AKR1B15: variants seen among roughly 807,000 people sequenced by gnomAD.
AKR1B15 encodes estradiol 17-beta-dehydrogenase AKR1B15.
AKR1B15 carries 49 observed loss-of-function variants against 38.5 expected under a neutral mutation model. The observed-to-expected ratio is 1.27, with a 90% CI of 1.01 to 1.62. The LOEUF is 1.62. Among genes scored for constraint, AKR1B15 ranks in the 40% most tolerant of loss-of-function variants. The pLI is 0.00. For synonymous variants in AKR1B15, 137 were observed against 135.5 expected, an observed-to-expected ratio of 1.01 and a Z score of -0.08; for missense variants, 411 against 381.6, an observed-to-expected ratio of 1.08 and a Z score of -0.64.
intron 1 of AKR1B15, among the ~76,000 whole-genome samples, chr7:134,553,053 C>T (rs886118570): frequency 2.7e-5 from 4 of 150,816 alleles, no homozygotes; most frequent in African/African-American, 9.8e-5. Context: ...CAAGAAGGCC[C>T]AGCTTTTTCT....
At chr7:134,551,943 C>A (rs1298099327) in intron 1 of AKR1B15, among the ~76,000 whole-genome samples, 2 of 152,274 alleles carry the variant, frequency 1.3e-5, no homozygotes, top group Middle Eastern at 3.4e-3. Flanking sequence ...GCCCCGGGAA[C>A]CCATGGTGAC....
rs115817361 is a variant in AKR1B15, at chr7:134,555,825, C to G, written c.-146-911C>G. ...CAGAAAAAAGGCTCCAGAGCGTTGACTTTTACCTTTGTCCTGGAAATCGCC... is the reference window on the plus strand; with the variant it reads ...CAGAAAAAAGGCTCCAGAGCGTTGAGTTTTACCTTTGTCCTGGAAATCGCC... On this transcript the variant is annotated intron_variant, in intron 1 of 11. Coordinates refer to ENST00000457545, the MANE Select transcript of AKR1B15 (RefSeq NM_001080538.3). Among the ~76,000 whole-genome samples the G allele has an allele frequency of 5.9e-3, 894 of 152,244 alleles. 8 individuals are homozygous for G. The highest frequency in any genetic ancestry group is 0.021 in the African/African-American group (855 of 41,548).
rs758195535 is a variant in AKR1B15 at position 134,568,227 on chromosome 7, G to A, written c.220G>A (p.Ala74Thr). 1.2e-5 allele frequency: 20 copies of A among 1,614,026 alleles called. No homozygotes were observed. The highest frequency in any genetic ancestry group is 8.8e-5 in the South Asian group (8 of 91,086). Residue 74 changes from alanine (A) to threonine (T), a missense_variant, in exon 4 of 12, where the codon GCC (alanine) becomes ACC (threonine). Coordinates refer to ENST00000457545, the MANE Select transcript of AKR1B15 (RefSeq NM_001080538.3). ...TGCAGAATATCGCCACATTGACTGTGCCTATTTCTATGAGAATCAACATGA... is the reference window on the plus strand; with the variant it reads ...TGCAGAATATCGCCACATTGACTGTACCTATTTCTATGAGAATCAACATGA... ...IDAEYRHIDC[A>T]YFYENQHEVG...
intron 9 of AKR1B15, 59 bp from the exon 10 acceptor site, chr7:134,576,904 T>G: frequency 6.8e-7 from 1 of 1,475,700 alleles, no homozygotes; most frequent in Non-Finnish European, 9.5e-7. Context: ...ATTCTTCCTT[T>G]CCATAAAAGG....
At chr7:134,560,198 C>T (rs1034632983) in intron 2 of AKR1B15, among the ~76,000 whole-genome samples, 1 of 152,174 alleles carries the variant, frequency 6.6e-6, no homozygotes, top group South Asian at 2.1e-4. Flanking sequence ...CCCGTCCTGG[C>T]CTTGAGACTT....
intron 3 of AKR1B15, chr7:134,565,223 A>G (rs1585801866): frequency 8.1e-6 from 4 of 493,970 alleles, no homozygotes; most frequent in East Asian, 7.4e-5. Context: ...AAGAGCTACA[A>G]CGATCACCAC....
intron 7 of AKR1B15, 133 bp from the exon 8 acceptor site, chr7:134,575,688 G>A (rs1794753750): frequency 8.2e-6 from 13 of 1,578,978 alleles, no homozygotes; most frequent in Admixed American, 1.7e-5. Flanking sequence ...GATCTCATGG[G>A]TGATTTAGCA....
intron 1 of AKR1B15, among the ~76,000 whole-genome samples, chr7:134,553,298 A>C (rs1027257432): frequency 1.3e-5 from 2 of 152,234 alleles, no homozygotes; most frequent in Non-Finnish European, 2.9e-5. Context: ...ACAAAGAAGA[A>C]CAGGCTTTTC....
chr7:134,569,951 A>C (rs1376896692), intron 5 of AKR1B15: 1 of 165,324 alleles, frequency 6.0e-6, no homozygotes, highest in Non-Finnish European at 1.3e-5. Context: ...AGCGATGTTC[A>C]GGGAACAAGG....
At chr7:134,568,572 C>G (rs1397255390) in intron 4 of AKR1B15, among the ~76,000 whole-genome samples, 2 of 152,320 alleles carry the variant, frequency 1.3e-5, no homozygotes, top group East Asian at 1.9e-4. Flanking sequence ...CTGGGCCTCC[C>G]TGTTCCCCAT....
At chr7:134,564,556 GC>G in intron 2 of AKR1B15, 41 bp from the exon 3 acceptor site, 2 of 660,434 alleles carry the variant, frequency 3.0e-6, no homozygotes, top group Non-Finnish European at 5.5e-6. Flanking sequence ...TCACCTTTGG[GC>G]CCTGTATTTT....
chr7:134,552,695 A>G lies in AKR1B15; in HGVS notation c.-147+3446A>G, dbSNP rs1045950420. Among the ~76,000 whole-genome samples, 6 of 152,176 alleles carry G rather than the reference A, an allele frequency of 3.9e-5. No individual in the cohort carries two copies. In the South Asian group the frequency reaches 1.0e-3, roughly 26 times the overall value. ...CTTATACTTTACTCAGCCTGCTCCC[A>G]CCAGAACATATGGTGTACACTGTCC... On this transcript the variant is annotated intron_variant, in intron 1 of 11. Transcript: ENST00000457545.
At chr7:134,562,796 T>C (rs1794432976) in intron 2 of AKR1B15, among the ~76,000 whole-genome samples, 1 of 151,916 alleles carries the variant, frequency 6.6e-6, no homozygotes, top group South Asian at 2.1e-4. Context: ...TTTTCTTTTC[T>C]TTCTTTCCTT....
At position 134,558,014 on chromosome 7, in the gene AKR1B15, C is replaced by T. The variant is rs568354378; in HGVS notation, c.-23+1155C>T. ...ATAAAAATAGGAGCTAAAGAAAATG[C>T]GGATAGGAAATGGATATTATCAGAT... On this transcript the variant is annotated intron_variant, in intron 2 of 11. Transcript: ENST00000457545. Among the ~76,000 whole-genome samples, 5 of 152,172 alleles carry T rather than the reference C, an allele frequency of 3.3e-5. No homozygotes were observed. The South Asian group carries it at 8.3e-4, about 25-fold the overall frequency.
chr7:134,568,419 A>T, intron 4 of AKR1B15, 94 bp downstream of exon 4: 1 of 1,530,068 alleles, frequency 6.5e-7, no homozygotes, highest in Non-Finnish European at 8.9e-7. Context: ...GGCCTTTTCT[A>T]CGTGTACCCG....
At chr7:134,554,808 A>T (rs1794134568) in intron 1 of AKR1B15, among the ~76,000 whole-genome samples, 1 of 152,164 alleles carries the variant, frequency 6.6e-6, no homozygotes, top group Non-Finnish European at 1.5e-5. Flanking sequence ...ATCATCCCTC[A>T]ACATGGACTG....
At chr7:134,562,048 A>G (rs992674638) in intron 2 of AKR1B15, among the ~76,000 whole-genome samples, 11 of 152,102 alleles carry the variant, frequency 7.2e-5, no homozygotes, top group African/African-American at 2.2e-4. Flanking sequence ...CAGTGGCACA[A>G]TCTCGGCTCA....
intron 6 of AKR1B15, among the ~76,000 whole-genome samples, chr7:134,574,898 A>C (rs2117668632): frequency 6.6e-6 from 1 of 152,252 alleles, no homozygotes; most frequent in African/African-American, 2.4e-5. Flanking sequence ...TTGCAAACCA[A>C]GCCATGGTTG....
chr7:134,573,407 C>G lies in AKR1B15; in HGVS notation c.513+1726C>G, dbSNP rs886629998. The G allele has an allele frequency of 4.1e-6, 4 of 985,220 alleles. No homozygotes were observed. The African/African-American group carries it at 5.2e-5, about 13-fold the overall frequency. The allele number at this position is 985,220 out of a possible 1,614,324, so 61.0% of individuals were successfully genotyped here. On this transcript the variant is annotated intron_variant, in intron 6 of 11. Transcript: ENST00000457545. ...AAGTATGGCAAGTATGTCAATGTAC[C>G]CTGCTTCTCACAGTGCTATGTTTTC...
Sources: allele counts gnomAD v4.1 joint callset (sites outside exome capture counted in the v4.1 genomes callset), GRCh38; gene constraint gnomAD v4.1.1; transcripts MANE v1.5; gene names NCBI Gene and HGNC (gene_info 2026-07-23, HGNC 2026-07-21).